AKT3: variants seen among roughly 807,000 people sequenced by gnomAD.
The protein encoded by AKT3 is RAC-gamma serine/threonine-protein kinase.
Under a neutral mutation model 65.3 loss-of-function variants are expected in AKT3, and 15 were observed. The observed-to-expected ratio is 0.23, with a 90% confidence interval of 0.15 to 0.35. The LOEUF (loss-of-function observed/expected upper bound fraction) is 0.35. Ranked by LOEUF, AKT3 falls within the 10% of genes least tolerant of loss-of-function variation. AKT3 has a pLI of 1.00. For missense variants in AKT3, 243 were observed against 576.5 expected (o/e 0.42, Z 5.92); for synonymous variants, 206 against 183.8 (o/e 1.12, Z -0.98).
At chr1:243,614,292 G>A (rs927005169) in intron 7 of AKT3, among the ~76,000 whole-genome samples, 17 of 152,082 alleles carry the variant, frequency 1.1e-4, no homozygotes, top group Non-Finnish European at 2.2e-4. Flanking sequence ...CACCAAAAAA[G>A]GTAGCAAAGT....
chr1:243,698,540 T>C (rs1444072672), intron 2 of AKT3, among the ~76,000 whole-genome samples: 1 of 152,060 alleles, frequency 6.6e-6, no homozygotes, highest in Non-Finnish European at 1.5e-5. Flanking sequence ...TTTTAAACTT[T>C]TAAAATATTT....
At chr1:243,563,099 C>T (rs1485128940) in intron 10 of AKT3, among the ~76,000 whole-genome samples, 1 of 152,068 alleles carries the variant, frequency 6.6e-6, no homozygotes, top group Non-Finnish European at 1.5e-5. Context: ...GTTAAGTTCC[C>T]TGAGACTAGG....
intron 1 of AKT3, among the ~76,000 whole-genome samples, chr1:243,848,807 T>TC (rs1327549915): frequency 6.6e-6 from 1 of 152,276 alleles, no homozygotes; most frequent in East Asian, 1.9e-4. Flanking sequence ...TGCATAGGTT[T>TC]CACTGTTGAC....
At position 243,715,968 on chromosome 1, in the gene AKT3, T is replaced by C. The variant is rs1686489750; in HGVS notation, c.47-20252A>G. On this transcript the variant is annotated intron_variant, in intron 2 of 13. Coordinates refer to ENST00000673466, the MANE Select transcript of AKT3 (RefSeq NM_005465.7). ...TCCAGGAAAGGTGTTGTTACACCATTTGATCAAAAGTTTTTCTTAGTTAAG... is the reference window on the plus strand; with the variant it reads ...TCCAGGAAAGGTGTTGTTACACCATCTGATCAAAAGTTTTTCTTAGTTAAG... 2.0e-5 allele frequency among the ~76,000 whole-genome samples: 3 copies of C among 152,116 alleles called. No individual in the cohort carries two copies. The South Asian group carries it at 6.2e-4, about 31-fold the overall frequency.
At chr1:243,585,423 G>A (rs1034203591) in intron 8 of AKT3, among the ~76,000 whole-genome samples, 6 of 151,398 alleles carry the variant, frequency 4.0e-5, no homozygotes, top group Non-Finnish European at 5.9e-5. Context: ...AAAAGAGCCA[G>A]AATAGCCAAA....
chr1:243,630,876 A>C (rs1679555563), intron 6 of AKT3, among the ~76,000 whole-genome samples: 2 of 152,198 alleles, frequency 1.3e-5, no homozygotes, highest in African/African-American at 4.8e-5. Context: ...GGGACAATCA[A>C]ATAGTATGGT....
At chr1:243,768,440 A>T (rs1297208867) in intron 2 of AKT3, among the ~76,000 whole-genome samples, 2 of 152,162 alleles carry the variant, frequency 1.3e-5, no homozygotes, top group Admixed American at 1.3e-4. Flanking sequence ...TTTGCTGTCA[A>T]CTTCACACAG....
chr1:243,510,443 C>G (rs914332667), intron 13 of AKT3, among the ~76,000 whole-genome samples: 10 of 152,104 alleles, frequency 6.6e-5, no homozygotes, highest in African/African-American at 2.4e-4. Context: ...GGTGCCAATG[C>G]AGAGAATGAA....
intron 2 of AKT3, among the ~76,000 whole-genome samples, chr1:243,712,019 A>G (rs1414882410): frequency 6.6e-6 from 1 of 152,194 alleles, no homozygotes; most frequent in Non-Finnish European, 1.5e-5. Flanking sequence ...GTCACTCATT[A>G]ATATCCTGAC....
At chr1:243,661,697 T>C (rs1447437278) in intron 4 of AKT3, among the ~76,000 whole-genome samples, 8 of 150,832 alleles carry the variant, frequency 5.3e-5, no homozygotes, top group Admixed American at 1.3e-4. Flanking sequence ...AAGCCAAAAT[T>C]GACAAATGGG....
In AKT3 at chr1:243,572,953, G is replaced by A. The variant is rs77764554; in HGVS notation, c.792C>T (p.Ser264=). 154 of 1,610,482 alleles carry A rather than the reference G, an allele frequency of 9.6e-5. No individual in the cohort carries two copies. The African/African-American group carries it at 1.1e-3, about 12-fold the overall frequency. The part of the protein sequence containing the change: ...EIVSALDYLH[S]GKIVYRDLKL... Reference sequence around the variant, plus strand: ...TGAGATCACGGTACACAATCTTTCCGGAATGTAGATAGTCCAAGGCAGAGA... The same window carrying A: ...TGAGATCACGGTACACAATCTTTCCAGAATGTAGATAGTCCAAGGCAGAGA... Residue 264 remains serine (S), a synonymous_variant, in exon 9 of 14, where the codon TCC becomes TCT. Transcript: ENST00000673466.
At chr1:243,593,177 G>A (rs1050459136) in intron 8 of AKT3, among the ~76,000 whole-genome samples, 3 of 152,108 alleles carry the variant, frequency 2.0e-5, no homozygotes, top group Admixed American at 6.5e-5. Flanking sequence ...CGTTGCATGA[G>A]GCCAGCATTG....
chr1:243,758,704 G>A (rs1219730694), intron 2 of AKT3, among the ~76,000 whole-genome samples: 1 of 152,122 alleles, frequency 6.6e-6, no homozygotes, highest in South Asian at 2.1e-4. Flanking sequence ...AGTAAGGAGC[G>A]TGCAACCTAG....
intron 3 of AKT3, among the ~76,000 whole-genome samples, chr1:243,670,689 C>T (rs1369654795): frequency 6.6e-6 from 1 of 152,152 alleles, no homozygotes; most frequent in African/African-American, 2.4e-5. Flanking sequence ...TGCCAGGTAG[C>T]TAACTCTTAT....
At chr1:243,742,189 T>C (rs1398878316) in intron 2 of AKT3, among the ~76,000 whole-genome samples, 1 of 152,166 alleles carries the variant, frequency 6.6e-6, no homozygotes, top group Non-Finnish European at 1.5e-5. Flanking sequence ...CAATCCCCTG[T>C]GGATACCAAG....
At chr1:243,662,724 A>G (rs915474410) in intron 4 of AKT3, among the ~76,000 whole-genome samples, 2 of 151,988 alleles carry the variant, frequency 1.3e-5, no homozygotes, top group Non-Finnish European at 2.9e-5. Context: ...AATAAAATAA[A>G]ATAAAAATTT....
intron 12 of AKT3, among the ~76,000 whole-genome samples, chr1:243,520,870 T>C (rs1455807972): frequency 3.9e-5 from 6 of 152,232 alleles, no homozygotes; most frequent in Admixed American, 2.0e-4. Context: ...TTAAATGCTA[T>C]GAAATCACTC....
chr1:243,843,752 A>G (rs1004733008), intron 1 of AKT3, among the ~76,000 whole-genome samples: 4 of 151,882 alleles, frequency 2.6e-5, no homozygotes, highest in Admixed American at 2.6e-4. Context: ...CCCAGGTTCA[A>G]GCGATTCTTC....
At chr1:243,658,231 G>C (rs565182225) in intron 4 of AKT3, among the ~76,000 whole-genome samples, 1 of 152,174 alleles carries the variant, frequency 6.6e-6, no homozygotes, top group East Asian at 1.9e-4. Flanking sequence ...AAAATGTATA[G>C]GGAACTCCTA....
Sources: allele counts gnomAD v4.1 joint callset (sites outside exome capture counted in the v4.1 genomes callset), GRCh38; gene constraint gnomAD v4.1.1; transcripts MANE v1.5; gene names NCBI Gene and HGNC (gene_info 2026-07-23, HGNC 2026-07-21).